Variants in PDE2A observed in about 807,000 individuals in gnomAD.
PDE2A encodes the protein cGMP-dependent 3',5'-cyclic phosphodiesterase.
Under a neutral mutation model 133.6 loss-of-function variants are expected in PDE2A, and 53 were observed. That is an observed-to-expected ratio of 0.40 (90% CI 0.32 to 0.50). The LOEUF (loss-of-function observed/expected upper bound fraction) is 0.50, where lower values mean the gene tolerates loss of function less well. Ranked by LOEUF, PDE2A falls within the 20% of genes least tolerant of loss-of-function variation. The probability of loss-of-function intolerance (pLI) is 0.73; values close to 1 mark genes in which losing one functional copy is unlikely to be tolerated. For missense variants in PDE2A, 796 were observed against 1,232.4 expected, an observed-to-expected ratio of 0.65 and a Z score of 5.30; for synonymous variants, 491 against 490.2, an observed-to-expected ratio of 1.00 and a Z score of -0.02.
rs545495845 is a variant in PDE2A at position 72,585,704 on chromosome 11, C to T, written c.1183-111G>A. On this transcript the variant is annotated intron_variant, in intron 14 of 30. Transcript: ENST00000334456. The stretch of plus-strand genomic sequence containing the variant: ...CTTCTCCTTCCTTCCCTAGGGCTCA[C>T]TGGACAAGCCAGAAACTGTCAGTGT... The T allele has an allele frequency of 1.7e-5, 15 of 885,848 alleles. No homozygotes were observed. In the East Asian group the frequency reaches 3.2e-4, roughly 19 times the overall value. 54.9% of individuals were successfully genotyped at this position (885,848 alleles called of 1,614,324 possible).
chr11:72,670,042 T>TC (rs1565201058), intron 1 of PDE2A, among the ~76,000 whole-genome samples: 2 of 151,970 alleles, frequency 1.3e-5, no homozygotes, highest in African/African-American at 4.8e-5. Flanking sequence ...GCCCAGGGCT[T>TC]CCCCCCAGCC....
At chr11:72,667,337 G>A (rs1284591901) in intron 1 of PDE2A, among the ~76,000 whole-genome samples, 1 of 152,132 alleles carries the variant, frequency 6.6e-6, no homozygotes, top group African/African-American at 2.4e-5. Flanking sequence ...CAACTGCAAT[G>A]TCATTCTAGA....
rs1008010868 is a variant in PDE2A at position 72,590,826 on chromosome 11, T to C, written c.550-246A>G. On this transcript the variant is annotated intron_variant, in intron 7 of 30. Transcript: ENST00000334456. The surrounding 1 kb of genome is among the most constrained non-coding windows in gnomAD (Gnocchi z 4.8). ...AGGGTCTATCTCCATCCCTAGCCCC[T>C]AGATTCTTCCAAGACAAGATGTCAG... 3 of 416,832 alleles carry C rather than the reference T, an allele frequency of 7.2e-6. No individual in the cohort carries two copies. Among genetic ancestry groups the C allele is most frequent in the African/African-American group, 6.2e-5 (3 of 48,510 alleles). 25.8% of individuals were successfully genotyped at this position (416,832 alleles called of 1,614,324 possible).
In PDE2A at chr11:72,578,833, C is replaced by T; in HGVS notation, c.2469+64G>A. On this transcript the variant is annotated intron_variant, in intron 28 of 30. Coordinates refer to ENST00000334456, the MANE Select transcript of PDE2A (RefSeq NM_002599.5). This position sits in a 1 kb window ranked among gnomAD's most constrained non-coding sequence, Gnocchi z 4.2. ...TGAGCAGAGAGAGGGTATTCAGGCA[C>T]AGGGGGCACCCAAAGCTGGGCAGGG... The T allele has an allele frequency of 1.0e-6, 1 of 991,340 alleles. No homozygotes were observed. The highest frequency in any genetic ancestry group is 1.6e-6 in the Non-Finnish European group (1 of 620,898). The allele number at this position is 991,340 out of a possible 1,614,324, so 61.4% of individuals were successfully genotyped here.
chr11:72,579,267 G>A lies in PDE2A; in HGVS notation c.2356+17C>T. ...TGTTCCTCCCCAGCCCCAAGGACTG[G>A]GGCTAACAGCAGTCACCCTCAGCCA... On this transcript the variant is annotated intron_variant, in intron 27 of 30. Coordinates refer to ENST00000334456, the MANE Select transcript of PDE2A (RefSeq NM_002599.5). 6.4e-7 allele frequency: 1 copy of A among 1,574,450 alleles called. No homozygotes were observed. Among genetic ancestry groups the A allele is most frequent in the African/African-American group, 1.3e-5 (1 of 74,252 alleles).
chr11:72,593,459 A>G (rs1209065254), intron 6 of PDE2A, among the ~76,000 whole-genome samples: 2 of 152,168 alleles, frequency 1.3e-5, no homozygotes, highest in Admixed American at 6.5e-5. Context: ...AACACTCAAC[A>G]TTGGGCACTG....
chr11:72,625,896 CG>C (rs1327328397), intron 2 of PDE2A, among the ~76,000 whole-genome samples: 3 of 152,206 alleles, frequency 2.0e-5, no homozygotes, highest in African/African-American at 7.2e-5. Flanking sequence ...AAATATTTCC[CG>C]GGAAACGGAA....
chr11:72,589,356 G>A, intron 11 of PDE2A, 116 bp from the exon 12 acceptor site: 1 of 772,244 alleles, frequency 1.3e-6, no homozygotes. Flanking sequence ...AGTCCAAATG[G>A]TGGACAGGGT....
chr11:72,589,299 A>T, intron 11 of PDE2A, 59 bp from the exon 12 acceptor site: 1 of 1,203,306 alleles, frequency 8.3e-7, no homozygotes, highest in Admixed American at 1.8e-5. Context: ...GGGGATCTCA[A>T]CCTGTCCCCA....
intron 2 of PDE2A, among the ~76,000 whole-genome samples, chr11:72,636,493 C>G (rs1858702239): frequency 6.6e-6 from 1 of 152,176 alleles, no homozygotes; most frequent in Admixed American, 6.5e-5. Flanking sequence ...GGCTTCAGGT[C>G]TCCCTTTAAT....
At chr11:72,649,781 C>T (rs1018439638) in intron 1 of PDE2A, among the ~76,000 whole-genome samples, 4 of 152,312 alleles carry the variant, frequency 2.6e-5, no homozygotes, top group East Asian at 3.9e-4. Flanking sequence ...CCTTCCACAG[C>T]GCCATCCTGT....
chr11:72,622,325 CTG>C (rs1268295420), intron 2 of PDE2A, among the ~76,000 whole-genome samples: 1 of 152,164 alleles, frequency 6.6e-6, no homozygotes, highest in East Asian at 1.9e-4. Context: ...AATAGAATGA[CTG>C]TGTGATCCAG....
chr11:72,589,054 T>C, intron 12 of PDE2A, 121 bp downstream of exon 12: 1 of 1,221,328 alleles, frequency 8.2e-7, no homozygotes, highest in Non-Finnish European at 1.2e-6. Flanking sequence ...GATGGGACAG[T>C]AGAAAGTCCC....
chr11:72,594,623 C>A (rs1296348431), intron 6 of PDE2A, among the ~76,000 whole-genome samples: 1 of 152,140 alleles, frequency 6.6e-6, no homozygotes, highest in African/African-American at 2.4e-5. Flanking sequence ...AGCTGGCTAG[C>A]ATCCTGCTCA....
chr11:72,639,188 C>T (rs74905558), intron 2 of PDE2A, among the ~76,000 whole-genome samples: 2 of 152,188 alleles, frequency 1.3e-5, no homozygotes, highest in Non-Finnish European at 2.9e-5. Flanking sequence ...CTACAGACTG[C>T]GTCAGTCTAG....
chr11:72,639,324 G>A lies in PDE2A; in HGVS notation c.144+2930C>T, dbSNP rs191678338. Among the ~76,000 whole-genome samples the A allele has an allele frequency of 7.6e-4, 116 of 152,306 alleles. 2 individuals are homozygous for A. The East Asian group carries it at 0.019, about 25-fold the overall frequency. ...GAACTAAATCGAGGTCTTCCTGGTT[G>A]TCTCCAGGGGCTGCAGCCACACAGA... On this transcript the variant is annotated intron_variant, in intron 2 of 30. Coordinates refer to ENST00000334456, the MANE Select transcript of PDE2A (RefSeq NM_002599.5).
intron 2 of PDE2A, among the ~76,000 whole-genome samples, chr11:72,619,564 C>T (rs1206867299): frequency 6.6e-6 from 1 of 152,172 alleles, no homozygotes; most frequent in African/African-American, 2.4e-5. Flanking sequence ...GCCATCTGCA[C>T]GTGGGAGTGA....
chr11:72,632,520 T>C (rs1858458462), intron 2 of PDE2A, among the ~76,000 whole-genome samples: 1 of 152,144 alleles, frequency 6.6e-6, no homozygotes. Context: ...GACTCTCCTG[T>C]AGGGCCTGGT....
intron 1 of PDE2A, 48 bp downstream of exon 1, chr11:72,674,089 T>C: frequency 6.3e-7 from 1 of 1,581,822 alleles, no homozygotes; most frequent in South Asian, 1.1e-5. Context: ...ACCCTGTCTG[T>C]GGCACCTCTC....
Sources: allele counts gnomAD v4.1 joint callset (sites outside exome capture counted in the v4.1 genomes callset), GRCh38; gene constraint gnomAD v4.1.1; non-coding constraint Gnocchi (gnomAD v3.1); transcripts MANE v1.5; gene names NCBI Gene and HGNC (gene_info 2026-07-23, HGNC 2026-07-21).